THEMIS: variants seen among roughly 807,000 people sequenced by gnomAD.
THEMIS encodes protein THEMIS.
A neutral mutation model predicts 52.6 loss-of-function variants in THEMIS; 37 were observed. The observed-to-expected ratio is 0.70, with a 90% CI of 0.54 to 0.93. The LOEUF (loss-of-function observed/expected upper bound fraction) is 0.93. Among genes scored for constraint, THEMIS ranks in the 40% least tolerant of loss-of-function variants. The pLI is 0.00. For missense variants in THEMIS, 808 were observed against 763.1 expected, an observed-to-expected ratio of 1.06 and a Z score of -0.69; for synonymous variants, 292 against 272.7, an observed-to-expected ratio of 1.07 and a Z score of -0.70.
At chr6:127,796,051 TA>T (rs2114540825) in intron 4 of THEMIS, among the ~76,000 whole-genome samples, 1 of 152,310 alleles carries the variant, frequency 6.6e-6, no homozygotes, top group East Asian at 1.9e-4. Context: ...ATTAAAAAGT[TA>T]AATAAGAAAA....
At chr6:127,827,407 T>C (rs1229210643) in intron 3 of THEMIS, among the ~76,000 whole-genome samples, 1 of 152,156 alleles carries the variant, frequency 6.6e-6, no homozygotes, top group African/African-American at 2.4e-5. Flanking sequence ...TTTAAAATAA[T>C]CCCTATGAAA....
chr6:127,848,245 G>T (rs1199058079), intron 2 of THEMIS, among the ~76,000 whole-genome samples: 1 of 151,756 alleles, frequency 6.6e-6, no homozygotes, highest in Non-Finnish European at 1.5e-5. Flanking sequence ...CCCTACAAAG[G>T]ACATGAACTC....
At chr6:127,754,862 A>T (rs765719546) in intron 4 of THEMIS, among the ~76,000 whole-genome samples, 1 of 151,856 alleles carries the variant, frequency 6.6e-6, no homozygotes, top group East Asian at 1.9e-4. Context: ...TAAACTGTCT[A>T]TAAATTATCT....
intron 1 of THEMIS, among the ~76,000 whole-genome samples, chr6:127,861,895 T>C (rs1229276588): frequency 2.6e-5 from 4 of 152,114 alleles, no homozygotes; most frequent in South Asian, 2.1e-4. Context: ...AGGTCATTAA[T>C]TGAAATTGTG....
intron 2 of THEMIS, among the ~76,000 whole-genome samples, chr6:127,852,114 A>G (rs1779447280): frequency 1.3e-5 from 2 of 151,626 alleles, no homozygotes; most frequent in African/African-American, 4.8e-5. Context: ...CAGACAAAAT[A>G]GACTTTAAAA....
intron 1 of THEMIS, among the ~76,000 whole-genome samples, chr6:127,863,210 A>T (rs1779865494): frequency 6.6e-6 from 1 of 152,164 alleles, no homozygotes. Flanking sequence ...TTACATCTCT[A>T]AGTGCTAGCA....
chr6:127,703,607 T>G (rs1773759067), downstream of THEMIS, among the ~76,000 whole-genome samples: 1 of 152,170 alleles, frequency 6.6e-6, no homozygotes, highest in Non-Finnish European at 1.5e-5. Flanking sequence ...GCCCCATAGC[T>G]TAAGTACCTT....
intron 4 of THEMIS, among the ~76,000 whole-genome samples, chr6:127,735,749 T>C (rs1030348117): frequency 6.6e-6 from 1 of 152,188 alleles, no homozygotes; most frequent in Admixed American, 6.5e-5. Flanking sequence ...AATTAGTGGA[T>C]GATGAATTTT....
At chr6:127,914,483 C>T (rs2114538130) in intron 1 of THEMIS, among the ~76,000 whole-genome samples, 1 of 152,248 alleles carries the variant, frequency 6.6e-6, no homozygotes, top group East Asian at 1.9e-4. Flanking sequence ...CTTACACAAA[C>T]CTAGGTGTGT....
At chr6:127,883,058 C>G (rs1192861602) in intron 1 of THEMIS, among the ~76,000 whole-genome samples, 1 of 151,924 alleles carries the variant, frequency 6.6e-6, no homozygotes, top group Non-Finnish European at 1.5e-5. Flanking sequence ...TCATATTTAT[C>G]AAATTGCAAT....
At chr6:127,841,284 A>G (rs769055894) in intron 2 of THEMIS, among the ~76,000 whole-genome samples, 2 of 152,054 alleles carry the variant, frequency 1.3e-5, no homozygotes, top group Non-Finnish European at 2.9e-5. Flanking sequence ...GTGTATAATT[A>G]TAGAAATGTT....
intron 2 of THEMIS, among the ~76,000 whole-genome samples, chr6:127,840,883 C>T (rs1034547291): frequency 6.6e-6 from 1 of 151,896 alleles, no homozygotes; most frequent in Non-Finnish European, 1.5e-5. Flanking sequence ...AACTATATGA[C>T]GCTCTGAAAA....
intron 4 of THEMIS, among the ~76,000 whole-genome samples, chr6:127,767,880 C>T (rs1279648769): frequency 2.0e-5 from 3 of 152,244 alleles, no homozygotes; most frequent in South Asian, 2.1e-4. Flanking sequence ...ATGACAGCTA[C>T]GACCTCACTA....
the THEMIS span, among the ~76,000 whole-genome samples, chr6:127,701,619 A>T: frequency 1.3e-5 from 2 of 152,164 alleles, no homozygotes; most frequent in Admixed American, 6.5e-5. Context: ...AGTGCCAAAC[A>T]GTTTTCCAAA....
chr6:127,731,955 C>T (rs549199025), intron 4 of THEMIS, among the ~76,000 whole-genome samples: 142 of 145,072 alleles, frequency 9.8e-4, no homozygotes, highest in Non-Finnish European at 1.8e-4. Context: ...ATCCGCTCAC[C>T]TCGGCCTCCC....
At chr6:127,850,687 A>G (rs1262406816) in intron 2 of THEMIS, among the ~76,000 whole-genome samples, 1 of 151,802 alleles carries the variant, frequency 6.6e-6, no homozygotes, top group Non-Finnish European at 1.5e-5. Context: ...CTAAGCTATG[A>G]GGACACAAAG....
At chr6:127,916,414 C>T (rs1044090784) in intron 1 of THEMIS, among the ~76,000 whole-genome samples, 2 of 152,122 alleles carry the variant, frequency 1.3e-5, no homozygotes, top group Non-Finnish European at 2.9e-5. Context: ...GGCAGAGAGG[C>T]AACTGGAATT....
chr6:127,887,347 G>A (rs1780677578), intron 1 of THEMIS, among the ~76,000 whole-genome samples: 1 of 152,016 alleles, frequency 6.6e-6, no homozygotes, highest in Admixed American at 6.6e-5. Context: ...GCTATAAAGG[G>A]AGAAAATACC....
intron 2 of THEMIS, among the ~76,000 whole-genome samples, chr6:127,844,588 A>G (rs1439846324): frequency 7.3e-6 from 1 of 136,122 alleles, no homozygotes; most frequent in Non-Finnish European, 1.6e-5. Context: ...GCTGTTTGGG[A>G]AAAAAAAAAA....
Sources: gnomAD v4.1 joint callset for allele counts (sites outside exome capture counted in the v4.1 genomes callset) on GRCh38, gnomAD v4.1.1 for gene constraint, MANE v1.5 for transcripts, NCBI Gene and HGNC (gene_info 2026-07-23, HGNC 2026-07-21) for gene names.